LRP1B: variants seen among roughly 807,000 people sequenced by gnomAD.
The protein encoded by LRP1B is LDL receptor related protein 1B, also known as low-density lipoprotein receptor-related protein 1B.
A neutral mutation model predicts 556.6 loss-of-function variants in LRP1B; 217 were observed. That is an observed-to-expected ratio of 0.39 (90% CI 0.35 to 0.44). The LOEUF (loss-of-function observed/expected upper bound fraction) is 0.44, where lower values mean the gene tolerates loss of function less well. Among genes scored for constraint, LRP1B ranks in the 20% least tolerant of loss-of-function variants. The pLI is 1.00. For missense variants in LRP1B, 5,053 were observed against 5,620.8 expected (o/e 0.90, Z 3.23); for synonymous variants, 2,047 against 1,865.8 (o/e 1.10, Z -2.50).
intron 2 of LRP1B, among the ~76,000 whole-genome samples, chr2:141,659,436 T>C (rs1415705003): frequency 6.6e-6 from 1 of 151,888 alleles, no homozygotes; most frequent in Non-Finnish European, 1.5e-5. Context: ...ACAAAAGCAG[T>C]GGGAATAAAA....
intron 3 of LRP1B, among the ~76,000 whole-genome samples, chr2:141,408,746 G>T (rs1224509608): frequency 1.3e-5 from 2 of 152,002 alleles, no homozygotes; most frequent in Admixed American, 1.3e-4. Context: ...AATATTAGTT[G>T]CTATATTCAT....
chr2:141,902,900 A>T (rs964441562), intron 1 of LRP1B, among the ~76,000 whole-genome samples: 1 of 151,984 alleles, frequency 6.6e-6, no homozygotes, highest in Non-Finnish European at 1.5e-5. Flanking sequence ...ATATTTTGTC[A>T]TTGACATTGC....
intron 61 of LRP1B, 143 bp from the exon 62 acceptor site, chr2:140,456,746 T>C (rs1372956038): frequency 3.6e-6 from 2 of 550,178 alleles, no homozygotes; most frequent in East Asian, 3.3e-5. Flanking sequence ...AGACTATAAA[T>C]ATAATTTTAC....
intron 16 of LRP1B, among the ~76,000 whole-genome samples, chr2:140,991,054 CA>C (rs936177759): frequency 2.0e-5 from 3 of 151,600 alleles, no homozygotes; most frequent in African/African-American, 4.8e-5. Context: ...CAAAACAAAA[CA>C]AAAAAATAGG....
chr2:141,864,896 CAA>C (rs1345384637), intron 1 of LRP1B, among the ~76,000 whole-genome samples: 1 of 151,764 alleles, frequency 6.6e-6, no homozygotes, highest in African/African-American at 2.4e-5. Flanking sequence ...AACAAACAAA[CAA>C]ACAAACAAAC....
chr2:141,213,677 C>T (rs1456307457), intron 6 of LRP1B, among the ~76,000 whole-genome samples: 1 of 152,176 alleles, frequency 6.6e-6, no homozygotes, highest in South Asian at 2.1e-4. Flanking sequence ...TATCTGAGGA[C>T]CTTCTGTTTG....
chr2:141,365,971 C>T (rs867007311), intron 3 of LRP1B, among the ~76,000 whole-genome samples: 1 of 152,100 alleles, frequency 6.6e-6, no homozygotes, highest in South Asian at 2.1e-4. Context: ...CCGCACCCGG[C>T]CAACAAGTTC....
At chr2:141,744,696 C>A (rs933300443) in intron 2 of LRP1B, among the ~76,000 whole-genome samples, 1 of 152,040 alleles carries the variant, frequency 6.6e-6, no homozygotes, top group African/African-American at 2.4e-5. Context: ...GACTCTAGTG[C>A]CTTATTTAGT....
chr2:140,630,401 A>G (rs1307708579), intron 41 of LRP1B, among the ~76,000 whole-genome samples: 1 of 152,186 alleles, frequency 6.6e-6, no homozygotes, highest in Non-Finnish European at 1.5e-5. Flanking sequence ...TCTTGGACCA[A>G]TCAGTAAATC....
At chr2:141,278,388 G>A (rs1685382683) in intron 3 of LRP1B, among the ~76,000 whole-genome samples, 1 of 152,088 alleles carries the variant, frequency 6.6e-6, no homozygotes, top group Admixed American at 6.5e-5. Flanking sequence ...AGTATAAATA[G>A]GTCAGCTGCA....
chr2:140,907,210 T>C (rs1358270250), intron 22 of LRP1B, among the ~76,000 whole-genome samples: 1 of 152,066 alleles, frequency 6.6e-6, no homozygotes, highest in Non-Finnish European at 1.5e-5. Context: ...TAGAAAACAC[T>C]TTTAAAAAAT....
chr2:140,886,479 TAACAGA>T (rs760735988), intron 23 of LRP1B, 144 bp from the exon 24 acceptor site: 5 of 544,814 alleles, frequency 9.2e-6, no homozygotes, highest in Non-Finnish European at 1.6e-5. Flanking sequence ...ATCCAAAATT[TAACAGA>T]AACTTGCAAA....
intron 66 of LRP1B, among the ~76,000 whole-genome samples, chr2:140,396,273 T>TTATTTTCCTACTATTTATTTTTCCTA (rs1002756334): frequency 9.2e-5 from 14 of 152,222 alleles, no homozygotes; most frequent in African/African-American, 3.4e-4. Flanking sequence ...TACTATTTAT[T>TTATTTTCCTACTATTTATTTTTCCTA]CTATGTTTTA....
At chr2:140,447,919 G>A (rs918747378) in intron 63 of LRP1B, among the ~76,000 whole-genome samples, 3 of 152,036 alleles carry the variant, frequency 2.0e-5, no homozygotes, top group Non-Finnish European at 2.9e-5. Context: ...GGGAACAGTG[G>A]GTTGGTAGGC....
intron 32 of LRP1B, among the ~76,000 whole-genome samples, chr2:140,811,674 A>T (rs1690929917): frequency 6.6e-6 from 1 of 152,106 alleles, no homozygotes; most frequent in African/African-American, 2.4e-5. Flanking sequence ...AACTCTGCTT[A>T]TTTTTATTTA....
chr2:140,312,606 T>A (rs1684352894), intron 83 of LRP1B, among the ~76,000 whole-genome samples: 1 of 151,978 alleles, frequency 6.6e-6, no homozygotes, highest in Non-Finnish European at 1.5e-5. Flanking sequence ...TACTATGCTT[T>A]ACTCTGATTT....
At chr2:141,362,861 G>T (rs1220722095) in intron 3 of LRP1B, among the ~76,000 whole-genome samples, 1 of 150,768 alleles carries the variant, frequency 6.6e-6, no homozygotes, top group African/African-American at 2.4e-5. Flanking sequence ...TTTCATCTTG[G>T]TATGTATTTA....
intron 18 of LRP1B, among the ~76,000 whole-genome samples, chr2:140,957,341 G>C (rs1695903279): frequency 6.6e-6 from 1 of 151,668 alleles, no homozygotes; most frequent in East Asian, 1.9e-4. Context: ...CAATGTTTGA[G>C]AAAATGAAAG....
At chr2:140,970,462 G>A (rs6729937) in intron 18 of LRP1B, among the ~76,000 whole-genome samples, 125,138 of 152,024 alleles carry the variant, frequency 0.82, 51,939 homozygotes, top group Middle Eastern at 0.89. Flanking sequence ...TTTGGGATGG[G>A]TTTGAACTTC....
Sources: allele counts gnomAD v4.1 joint callset (sites outside exome capture counted in the v4.1 genomes callset), GRCh38; gene constraint gnomAD v4.1.1; transcripts MANE v1.5; gene names NCBI Gene and HGNC (gene_info 2026-07-23, HGNC 2026-07-21).